The following EIF4G3 variants were observed in gnomAD, a reference collection of about 807,000 sequenced individuals.
The protein encoded by EIF4G3 is eIF-4-gamma 3.
A neutral mutation model predicts 186.4 loss-of-function variants in EIF4G3; 34 were observed. The observed-to-expected ratio is 0.18, with a 90% CI of 0.14 to 0.24. EIF4G3 has a LOEUF of 0.24. Among genes scored for constraint, EIF4G3 ranks in the 10% least tolerant of loss-of-function variants. EIF4G3 has a pLI of 1.00. For synonymous variants in EIF4G3, 673 were observed against 679.5 expected, an observed-to-expected ratio of 0.99 and a Z score of 0.15; for missense variants, 1,536 against 1,948.5, an observed-to-expected ratio of 0.79 and a Z score of 3.99.
chr1:20,887,162 A>G (rs1437217503), intron 18 of EIF4G3, among the ~76,000 whole-genome samples: 3 of 152,036 alleles, frequency 2.0e-5, no homozygotes, highest in African/African-American at 7.2e-5. Flanking sequence ...GCATGTTGAC[A>G]ACCTTTACTT....
intron 2 of EIF4G3, among the ~76,000 whole-genome samples, chr1:21,133,416 A>C (rs1160498333): frequency 6.6e-6 from 1 of 151,870 alleles, no homozygotes; most frequent in African/African-American, 2.4e-5. Context: ...TAGTAAAGAC[A>C]GGGTTTCACC....
chr1:21,139,172 G>A (rs1039378057), intron 2 of EIF4G3, among the ~76,000 whole-genome samples: 5 of 151,904 alleles, frequency 3.3e-5, no homozygotes, highest in Admixed American at 1.3e-4. Flanking sequence ...ACTTCAAAGG[G>A]AAAAAACATC....
intron 3 of EIF4G3, among the ~76,000 whole-genome samples, chr1:21,068,401 CAG>C (rs2095338985): frequency 3.5e-5 from 3 of 85,714 alleles, no homozygotes; most frequent in Non-Finnish European, 7.3e-5. Context: ...AAAAAAAAAA[CAG>C]AATACTTCAC....
At chr1:20,963,708 C>CT (rs1486500902) in intron 12 of EIF4G3, among the ~76,000 whole-genome samples, 4 of 151,912 alleles carry the variant, frequency 2.6e-5, no homozygotes, top group Non-Finnish European at 5.9e-5. Flanking sequence ...AATCCTAGAG[C>CT]TTTGGGAGGC....
chr1:21,133,852 T>A (rs532231039), intron 2 of EIF4G3, among the ~76,000 whole-genome samples: 5 of 152,310 alleles, frequency 3.3e-5, no homozygotes, highest in African/African-American at 9.6e-5. Context: ...ATTATCCTAA[T>A]AATCTAAGTA....
At position 21,176,844 on chromosome 1, in the gene EIF4G3, G is replaced by A; in HGVS notation, c.-578C>T. On this transcript the variant is annotated 5_prime_UTR_variant, in exon 1 of 37. Transcript: ENST00000602326. ...CCGGTGGATTTTCTTCACTCAACGA[G>A]CAGAGCATCCAACATGGCGCTGTGG... The A allele has an allele frequency of 1.4e-6, 1 of 701,710 alleles. No homozygotes were observed. The highest frequency in any genetic ancestry group is 1.7e-5 in the African/African-American group (1 of 57,300). The allele number at this position is 701,710 out of a possible 1,614,324, so 43.5% of individuals were successfully genotyped here.
intron 20 of EIF4G3, among the ~76,000 whole-genome samples, chr1:20,873,304 A>C (rs2079748708): frequency 6.6e-6 from 1 of 152,176 alleles, no homozygotes; most frequent in Non-Finnish European, 1.5e-5. Flanking sequence ...TTTCCTGTAT[A>C]AAAAATGCTA....
chr1:21,035,803 G>A (rs754287208), intron 4 of EIF4G3, among the ~76,000 whole-genome samples: 14 of 152,232 alleles, frequency 9.2e-5, no homozygotes, highest in Non-Finnish European at 1.6e-4. Flanking sequence ...CCTTTTGCCA[G>A]GGAGGTTCTG....
At chr1:20,819,023 C>T (rs527653147) in intron 33 of EIF4G3, among the ~76,000 whole-genome samples, 1 of 152,290 alleles carries the variant, frequency 6.6e-6, no homozygotes, top group East Asian at 1.9e-4. Flanking sequence ...CTGCCTCAGC[C>T]TCCCGAGCAG....
At chr1:20,880,686 G>A (rs1334427895) in intron 19 of EIF4G3, among the ~76,000 whole-genome samples, 13 of 152,154 alleles carry the variant, frequency 8.5e-5, no homozygotes, top group Non-Finnish European at 1.5e-5. Context: ...GGGAGGCAGC[G>A]GTTGCAATGA....
chr1:21,019,316 G>A (rs1041322370), intron 4 of EIF4G3, among the ~76,000 whole-genome samples: 6 of 152,180 alleles, frequency 3.9e-5, no homozygotes, highest in Non-Finnish European at 7.3e-5. Flanking sequence ...ATATTTGCAC[G>A]TATATTTGTA....
At chr1:21,089,052 T>C (rs1396927389) in intron 3 of EIF4G3, 86 bp downstream of exon 3, 3 of 663,130 alleles carry the variant, frequency 4.5e-6, no homozygotes, top group Non-Finnish European at 8.3e-6. Context: ...TTGTCATGTG[T>C]CAATCAAACA....
Position 20,873,343 on chromosome 1 carries a change from A to G in EIF4G3, c.2622+5980T>C, listed in dbSNP as rs903861732. Among the ~76,000 whole-genome samples the G allele has an allele frequency of 6.6e-5, 10 of 152,330 alleles. No individual in the cohort carries two copies. In the East Asian group the frequency reaches 1.7e-3, roughly 26 times the overall value. On this transcript the variant is annotated intron_variant, in intron 20 of 36. Transcript: ENST00000602326. ...CATTTTTGTATATATTTCCTAGCATATGAGATATGTATGTTTATTGGTTGT... is the reference window on the plus strand; with the variant it reads ...CATTTTTGTATATATTTCCTAGCATGTGAGATATGTATGTTTATTGGTTGT...
intron 12 of EIF4G3, among the ~76,000 whole-genome samples, chr1:20,956,866 A>G (rs1433220595): frequency 6.6e-6 from 1 of 152,086 alleles, no homozygotes; most frequent in African/African-American, 2.4e-5. Flanking sequence ...GGCCTCCCAA[A>G]GTACTGGGAT....
chr1:21,050,765 C>CAAGTAGGAAA (rs1553175602), intron 4 of EIF4G3, 101 bp downstream of exon 4: 8 of 624,634 alleles, frequency 1.3e-5, no homozygotes, highest in Non-Finnish European at 2.0e-5. Context: ...AATTACTATA[C>CAAGTAGGAAA]AAGTAATGTT....
At chr1:20,904,022 T>TAA (rs1200361759) in intron 15 of EIF4G3, among the ~76,000 whole-genome samples, 1 of 152,204 alleles carries the variant, frequency 6.6e-6, no homozygotes, top group Admixed American at 6.5e-5. Context: ...ACAAGGAAAT[T>TAA]GTTAGAGTAA....
At chr1:21,043,215 A>C (rs76124519) in intron 4 of EIF4G3, among the ~76,000 whole-genome samples, 4,385 of 152,322 alleles carry the variant, frequency 0.029, 118 homozygotes, top group Middle Eastern at 0.061. Context: ...CTTTGACAGG[A>C]TTTAAGTGAA....
intron 4 of EIF4G3, among the ~76,000 whole-genome samples, chr1:21,048,677 G>A (rs548476289): frequency 7.2e-5 from 11 of 152,066 alleles, no homozygotes; most frequent in Non-Finnish European, 1.3e-4. Context: ...ACCTCCCTGC[G>A]AACAGCTTTC....
At chr1:21,057,599 T>A (rs1055729667) in intron 3 of EIF4G3, among the ~76,000 whole-genome samples, 1 of 149,968 alleles carries the variant, frequency 6.7e-6, no homozygotes, top group East Asian at 1.9e-4. Flanking sequence ...TGGTTTAAAA[T>A]TTTTTTTTTG....
Sources: allele counts gnomAD v4.1 joint callset (sites outside exome capture counted in the v4.1 genomes callset), GRCh38; gene constraint gnomAD v4.1.1; transcripts MANE v1.5; gene names NCBI Gene and HGNC (gene_info 2026-07-23, HGNC 2026-07-21).